Variants in BCAS1 observed in about 807,000 individuals in gnomAD.
BCAS1 encodes brain enriched myelin associated protein 1.
In BCAS1, 46 loss-of-function variants were observed where a neutral mutation model predicts 65.4. That is an observed-to-expected ratio of 0.70 (90% confidence interval 0.55 to 0.90). The LOEUF (loss-of-function observed/expected upper bound fraction) is 0.90. BCAS1 is among the 40% of genes least tolerant of loss of function. BCAS1 has a pLI of 0.00. For missense variants in BCAS1, 793 were observed against 771.2 expected (o/e 1.03, Z -0.33); for synonymous variants, 298 against 293.5 (o/e 1.02, Z -0.16).
chr20:54,043,988 T>C (rs2092050407), intron 3 of BCAS1, among the ~76,000 whole-genome samples: 1 of 152,226 alleles, frequency 6.6e-6, no homozygotes, highest in African/African-American at 2.4e-5. Context: ...TTCCAGAAAC[T>C]TGAAGCGCAC....
chr20:54,018,081 G>A (rs956133148), intron 4 of BCAS1, among the ~76,000 whole-genome samples: 19 of 152,152 alleles, frequency 1.2e-4, no homozygotes, highest in African/African-American at 4.3e-4. Context: ...TGTTTGGCCC[G>A]TGCAAAGAAA....
intron 3 of BCAS1, among the ~76,000 whole-genome samples, chr20:54,043,326 GA>G (rs2092035406): frequency 6.8e-6 from 1 of 147,188 alleles, no homozygotes; most frequent in Non-Finnish European, 1.5e-5. Flanking sequence ...TGATGATGAT[GA>G]TGACGATGAT....
intron 3 of BCAS1, among the ~76,000 whole-genome samples, chr20:54,041,644 G>A (rs993008460): frequency 1.3e-5 from 2 of 152,054 alleles, no homozygotes; most frequent in Non-Finnish European, 2.9e-5. Flanking sequence ...AGCACTTTGG[G>A]AGGCCGAGGT....
At chr20:54,069,278 C>T (rs6123355) in intron 1 of BCAS1, among the ~76,000 whole-genome samples, 20,698 of 152,094 alleles carry the variant, frequency 0.14, 1,849 homozygotes, top group East Asian at 0.28. Flanking sequence ...AAAAGCTCAG[C>T]CATGGAGATG....
chr20:54,018,469 T>C (rs2091487753), intron 4 of BCAS1, among the ~76,000 whole-genome samples: 1 of 151,308 alleles, frequency 6.6e-6, no homozygotes, highest in African/African-American at 2.4e-5. Flanking sequence ...CCCGAGTGGC[T>C]GGGACTACAG....
At chr20:53,956,884 A>G (rs1052791873) in intron 11 of BCAS1, among the ~76,000 whole-genome samples, 1 of 152,232 alleles carries the variant, frequency 6.6e-6, no homozygotes, top group Non-Finnish European at 1.5e-5. Flanking sequence ...ATGTTTCTTT[A>G]GAATAAAGAA....
intron 7 of BCAS1, among the ~76,000 whole-genome samples, chr20:53,988,080 C>G (rs564403365): frequency 9.9e-5 from 15 of 152,264 alleles, no homozygotes; most frequent in African/African-American, 3.4e-4. Flanking sequence ...ATCAATCTGC[C>G]GAAGTCATTA....
chr20:54,027,310 G>C (rs531742812), intron 4 of BCAS1, among the ~76,000 whole-genome samples: 1 of 152,272 alleles, frequency 6.6e-6, no homozygotes, highest in South Asian at 2.1e-4. Flanking sequence ...GTAGCACCCT[G>C]GATGCATTAA....
intron 1 of BCAS1, among the ~76,000 whole-genome samples, chr20:54,067,233 G>A (rs558067405): frequency 4.6e-5 from 7 of 152,302 alleles, no homozygotes; most frequent in African/African-American, 1.4e-4. Flanking sequence ...AAATTAGCCA[G>A]ATGTGGAGGC....
intron 8 of BCAS1, among the ~76,000 whole-genome samples, chr20:53,982,576 G>A (rs1252191915): frequency 6.6e-6 from 1 of 152,156 alleles, no homozygotes. Context: ...AGAAGAAAGA[G>A]AGGTTAGGTT....
chr20:54,065,142 A>ATCTG (rs1428269465), intron 1 of BCAS1, among the ~76,000 whole-genome samples: 1 of 140,414 alleles, frequency 7.1e-6, no homozygotes, highest in Admixed American at 7.0e-5. Flanking sequence ...CTATCTATCT[A>ATCTG]TCTATCTATC....
At chr20:54,038,057 A>T (rs2091928619) in intron 3 of BCAS1, among the ~76,000 whole-genome samples, 1 of 151,296 alleles carries the variant, frequency 6.6e-6, no homozygotes, top group South Asian at 2.1e-4. Context: ...AACAAAATCC[A>T]AACTCTCTAC....
chr20:54,019,043 T>C (rs761469659), intron 4 of BCAS1, among the ~76,000 whole-genome samples: 9 of 152,228 alleles, frequency 5.9e-5, no homozygotes, highest in Non-Finnish European at 1.0e-4. Context: ...ATTAATTAAT[T>C]AAAATATTAT....
chr20:54,039,429 A>G lies in BCAS1; in HGVS notation c.143-10457T>C, dbSNP rs1199313615. Among the ~76,000 whole-genome samples, 4 of 151,440 alleles carry G rather than the reference A, an allele frequency of 2.6e-5. 1 individual carries two copies. The highest frequency in any genetic ancestry group is 4.4e-5 in the Non-Finnish European group (3 of 67,638). ...TTAGTGATGGAAATGCTGGATTCCA[A>G]AGGAATGTAGGCAAAGGTACTACTA... On this transcript the variant is annotated intron_variant, in intron 3 of 12. Coordinates refer to ENST00000688948, the MANE Select transcript of BCAS1 (RefSeq NM_001366298.2).
At chr20:54,025,771 A>G (rs1438550782) in intron 4 of BCAS1, among the ~76,000 whole-genome samples, 1 of 152,144 alleles carries the variant, frequency 6.6e-6, no homozygotes, top group Non-Finnish European at 1.5e-5. Flanking sequence ...CCACCAAGAA[A>G]GCCACTGATT....
At chr20:54,021,451 T>A (rs997540297) in intron 4 of BCAS1, among the ~76,000 whole-genome samples, 1 of 108,922 alleles carries the variant, frequency 9.2e-6, no homozygotes, top group African/African-American at 3.1e-5. Context: ...GGTGTATATG[T>A]ACCACATTTT....
chr20:53,992,400 C>T (rs1568851891), intron 7 of BCAS1, 112 bp downstream of exon 7: 1 of 861,226 alleles, frequency 1.2e-6, no homozygotes, highest in South Asian at 1.7e-5. Flanking sequence ...TAATGATCCC[C>T]ACCACCCAAG....
chr20:53,960,495 A>AAG (rs1235672659), intron 10 of BCAS1, among the ~76,000 whole-genome samples: 118 of 82,314 alleles, frequency 1.4e-3, no homozygotes, highest in African/African-American at 1.8e-3. Context: ...AAAAAAAAAA[A>AAG]AGAGAGAGAG....
intron 11 of BCAS1, among the ~76,000 whole-genome samples, chr20:53,954,383 C>T (rs149911906): frequency 9.4e-4 from 139 of 147,966 alleles, no homozygotes; most frequent in Middle Eastern, 7.1e-3. Context: ...TCTAGCTGTT[C>T]CTGGAGCCCT....
Sources: gnomAD v4.1 joint callset for allele counts (sites outside exome capture counted in the v4.1 genomes callset) on GRCh38, gnomAD v4.1.1 for gene constraint, MANE v1.5 for transcripts, NCBI Gene and HGNC (gene_info 2026-07-23, HGNC 2026-07-21) for gene names.